DCTN4: variants seen among roughly 807,000 people sequenced by gnomAD.
DCTN4 encodes dynactin 4 (p62).
Under a neutral mutation model 62.7 loss-of-function variants are expected in DCTN4, and 23 were observed. The ratio of observed to expected loss-of-function variants is 0.37; its 90% CI spans 0.26 to 0.52. The LOEUF (loss-of-function observed/expected upper bound fraction) is 0.52, where lower values mean the gene tolerates loss of function less well. Among genes scored for constraint, DCTN4 ranks in the 20% least tolerant of loss-of-function variants. DCTN4 has a pLI of 0.92. For synonymous variants in DCTN4, 199 were observed against 202.1 expected (o/e 0.98, Z 0.13); for missense variants, 514 against 580.4 (o/e 0.89, Z 1.18).
In DCTN4 at chr5:150,709,671, T is replaced by G. The variant is rs2151462127; in HGVS notation, c.*1478A>C. The G allele has an allele frequency of 6.6e-6, 1 of 152,488 alleles. No individual in the cohort carries two copies. The highest frequency in any genetic ancestry group is 6.5e-5 in the Admixed American group (1 of 15,304). 9.4% of individuals were successfully genotyped at this position (152,488 alleles called of 1,614,324 possible). A position where few individuals can be genotyped will look rare whatever the true frequency, so the allele number is the denominator to read the frequency against. ...CTTGACCTTTGTACAATTAGTACAA[T>G]TTAGTGTCTTTTAGAGTACAATTTA... On this transcript the variant is annotated 3_prime_UTR_variant, in exon 13 of 13. Transcript: ENST00000447998.
chr5:150,729,865 T>C (rs1156390406), intron 8 of DCTN4, among the ~76,000 whole-genome samples: 3 of 152,128 alleles, frequency 2.0e-5, no homozygotes, highest in African/African-American at 4.8e-5. Flanking sequence ...TCTTTCCTTC[T>C]TTCCTCTTTC....
At chr5:150,722,877 A>G in intron 9 of DCTN4, 30 bp downstream of exon 9, 2 of 1,574,926 alleles carry the variant, frequency 1.3e-6, no homozygotes, top group Non-Finnish European at 1.7e-6. Flanking sequence ...TCAAAACAGT[A>G]ACTGAAAACA....
chr5:150,755,395 A>G, intron 2 of DCTN4: 1 of 365,698 alleles, frequency 2.7e-6, no homozygotes, highest in Non-Finnish European at 5.4e-6. Flanking sequence ...GTACAAAAAA[A>G]GAAGGAAAAG....
chr5:150,729,936 A>G (rs557797572), intron 8 of DCTN4, among the ~76,000 whole-genome samples: 3 of 152,014 alleles, frequency 2.0e-5, no homozygotes, highest in South Asian at 4.2e-4. Context: ...AATCTACGTA[A>G]ACTCTATACA....
intron 3 of DCTN4, among the ~76,000 whole-genome samples, chr5:150,748,544 C>T (rs1295906651): frequency 6.7e-6 from 1 of 149,454 alleles, no homozygotes; most frequent in South Asian, 2.1e-4. Context: ...ACCCAAATGT[C>T]CAACAATGAT....
At chr5:150,756,811 A>G (rs905929900) in intron 1 of DCTN4, among the ~76,000 whole-genome samples, 6 of 152,182 alleles carry the variant, frequency 3.9e-5, no homozygotes, top group African/African-American at 1.4e-4. Context: ...AAATAATCCA[A>G]TTTGTAACAT....
intron 1 of DCTN4, chr5:150,757,860 C>G (rs1366199793): frequency 6.5e-6 from 1 of 154,834 alleles, no homozygotes; most frequent in Non-Finnish European, 1.4e-5. Flanking sequence ...CTGAGTTAGG[C>G]TGTTTAGATT....
At chr5:150,758,673 C>A in intron 1 of DCTN4, 186 bp downstream of exon 1, 1 of 1,287,784 alleles carries the variant, frequency 7.8e-7, no homozygotes, top group Non-Finnish European at 1.1e-6. Flanking sequence ...CTCAGTCCCA[C>A]CCGAGGCTGC....
At chr5:150,717,181 A>C (rs1759792163) in intron 11 of DCTN4, among the ~76,000 whole-genome samples, 1 of 152,208 alleles carries the variant, frequency 6.6e-6, no homozygotes, top group Non-Finnish European at 1.5e-5. Context: ...TAGAAGTAGC[A>C]AAATATAAAG....
In DCTN4 at chr5:150,746,147, G is replaced by C. The variant is rs367687389; in HGVS notation, c.386-3990C>G. On this transcript the variant is annotated intron_variant, in intron 3 of 12. Transcript: ENST00000447998. ...CCCACAGAAATACAAACTACCATCA[G>C]AGAATACTACAAACACCTCTATGCA... Among the ~76,000 whole-genome samples the C allele has an allele frequency of 2.6e-4, 40 of 151,918 alleles. No individual in the cohort carries two copies. In the East Asian group the frequency reaches 7.1e-3, roughly 27 times the overall value.
At chr5:150,727,531 T>C (rs6868200) in intron 8 of DCTN4, among the ~76,000 whole-genome samples, 22,596 of 151,602 alleles carry the variant, frequency 0.15, 3,024 homozygotes, top group African/African-American at 0.36. Flanking sequence ...AATCCCAGCA[T>C]TTTGGGAGGC....
chr5:150,716,051 C>G lies in DCTN4; in HGVS notation c.1072-389G>C, dbSNP rs553553043. On this transcript the variant is annotated intron_variant, in intron 11 of 12. Transcript: ENST00000447998. ...TCATGAGTAGCTAGGACTACAGGTG[C>G]CCACCACCATGCCTGGCTAATTTTT... Among the ~76,000 whole-genome samples the G allele has an allele frequency of 6.6e-5, 10 of 152,178 alleles. No homozygotes were observed. In the South Asian group the frequency reaches 2.1e-3, roughly 32 times the overall value.
At chr5:150,746,519 C>T (rs1760970281) in intron 3 of DCTN4, among the ~76,000 whole-genome samples, 1 of 152,136 alleles carries the variant, frequency 6.6e-6, no homozygotes, top group African/African-American at 2.4e-5. Context: ...CCTTGATGAA[C>T]ATTGATGCAA....
chr5:150,754,746 C>T (rs1229584448), intron 2 of DCTN4, among the ~76,000 whole-genome samples: 1 of 152,154 alleles, frequency 6.6e-6, no homozygotes, highest in Non-Finnish European at 1.5e-5. Context: ...AGGTGAAGTG[C>T]TTGAGCCAGG....
chr5:150,713,339 C>A lies in DCTN4; in HGVS notation c.1170-1977G>T, dbSNP rs75354733. Among the ~76,000 whole-genome samples the A allele has an allele frequency of 5.1e-3, 783 of 152,172 alleles. 7 individuals carry two copies. The highest frequency in any genetic ancestry group is 0.018 in the African/African-American group (751 of 41,526). On this transcript the variant is annotated intron_variant, in intron 12 of 12. Coordinates refer to ENST00000447998, the MANE Select transcript of DCTN4 (RefSeq NM_016221.4). ...GGTTAGGGTCTGGAATGCTATCGAA[C>A]AACAAAACAAAACAACACTTGACCT... is the stretch of plus-strand genomic sequence containing the variant.
At chr5:150,758,222 A>C in intron 1 of DCTN4, 2 of 985,512 alleles carry the variant, frequency 2.0e-6, no homozygotes, top group Non-Finnish European at 2.4e-6. Flanking sequence ...CTTCTTTTTG[A>C]AAAATCCAAC....
At chr5:150,714,829 A>G (rs76027488) in intron 12 of DCTN4, among the ~76,000 whole-genome samples, 2,881 of 152,216 alleles carry the variant, frequency 0.019, 102 homozygotes, top group African/African-American at 0.065. Flanking sequence ...AGTTTCAGCT[A>G]CATGGAGCTC....
chr5:150,718,416 C>G, intron 10 of DCTN4, 33 bp from the exon 11 acceptor site: 1 of 1,517,934 alleles, frequency 6.6e-7, no homozygotes, highest in Non-Finnish European at 9.1e-7. Context: ...CTCAGACATT[C>G]GCCACTTTCT....
At position 150,716,750 on chromosome 5, in the gene DCTN4, T is replaced by G. The variant is rs549859374; in HGVS notation, c.1072-1088A>C. ...CTGGCCAACAGGGTGAAACCCCGTC[T>G]CTACTAAAACTGCAAAAAATTAGCC... On this transcript the variant is annotated intron_variant, in intron 11 of 12. Transcript: ENST00000447998. Among the ~76,000 whole-genome samples the G allele has an allele frequency of 8.3e-4, 127 of 152,220 alleles. 3 individuals carry two copies. In the South Asian group the frequency reaches 0.025, roughly 30 times the overall value.
Sources: gnomAD v4.1 joint callset for allele counts (sites outside exome capture counted in the v4.1 genomes callset) on GRCh38, gnomAD v4.1.1 for gene constraint, MANE v1.5 for transcripts, NCBI Gene and HGNC (gene_info 2026-07-23, HGNC 2026-07-21) for gene names.